The following TMEM51 variants were observed in gnomAD, a reference collection of about 807,000 sequenced individuals.
TMEM51 encodes the protein chromosome 1 open reading frame 72.
A neutral mutation model predicts 13.6 loss-of-function variants in TMEM51; 8 were observed. That is an observed-to-expected ratio of 0.59 (90% CI 0.35 to 1.07). TMEM51 has a LOEUF of 1.07. Among genes scored for constraint, TMEM51 ranks in the 50% least tolerant of loss-of-function variants. The pLI, the probability that TMEM51 is intolerant of heterozygous loss-of-function variation, is 0.02. For missense variants in TMEM51, 279 were observed against 330.7 expected (o/e 0.84, Z 1.21); for synonymous variants, 147 against 144.4 (o/e 1.02, Z -0.13).
intron 1 of TMEM51, among the ~76,000 whole-genome samples, chr1:15,163,827 T>TGGG (rs201334078): frequency 2.3e-4 from 12 of 52,194 alleles, no homozygotes; most frequent in African/African-American, 7.0e-4. Context: ...TGGCTTTTTT[T>TGGG]GGGGGGGGGG....
chr1:15,171,106 C>T (rs112780313), intron 1 of TMEM51: 3 of 854,990 alleles, frequency 3.5e-6, no homozygotes. Flanking sequence ...TCCTCCTCCA[C>T]CCCCCGCCAC....
chr1:15,193,662 C>G (rs1377072312), intron 1 of TMEM51, among the ~76,000 whole-genome samples: 1 of 147,884 alleles, frequency 6.8e-6, no homozygotes, highest in African/African-American at 2.5e-5. Context: ...ACTGCAACCT[C>G]CATCTCCTGG....
intron 1 of TMEM51, chr1:15,192,031 C>T: frequency 1.9e-6 from 1 of 529,986 alleles, no homozygotes. Context: ...ATTTGAAATG[C>T]CATACGTGAT....
rs1644226269 is a variant in TMEM51, at chr1:15,205,101, TA to T, written c.-266-5387del. On this transcript the variant is annotated intron_variant, in intron 1 of 3. Transcript: ENST00000376008. ...GGGTCCCCCGTGCCAGCCTTCTAAATAAGGCTGGACACCAGCCACCTGCTTA... is the reference window on the plus strand; with the variant it reads ...GGGTCCCCCGTGCCAGCCTTCTAAATAGGCTGGACACCAGCCACCTGCTTA... Among the ~76,000 whole-genome samples, 3 of 152,128 alleles carry T rather than the reference TA, an allele frequency of 2.0e-5. No individual in the cohort carries two copies. In the South Asian group the frequency reaches 6.2e-4, roughly 32 times the overall value.
intron 1 of TMEM51, among the ~76,000 whole-genome samples, chr1:15,195,099 G>T (rs1004800115): frequency 1.3e-5 from 2 of 151,246 alleles, no homozygotes; most frequent in African/African-American, 4.9e-5. Context: ...TAGTTTTTTT[G>T]TGTGTGTATT....
At position 15,204,445 on chromosome 1, in the gene TMEM51, T is replaced by C. The variant is rs1388077306; in HGVS notation, c.-266-6045T>C. Among the ~76,000 whole-genome samples, 4 of 152,276 alleles carry C rather than the reference T, an allele frequency of 2.6e-5. No individual in the cohort carries two copies. In the East Asian group the frequency reaches 5.8e-4, roughly 22 times the overall value. On this transcript the variant is annotated intron_variant, in intron 1 of 3. Coordinates refer to ENST00000376008, the MANE Select transcript of TMEM51 (RefSeq NM_001136218.2). ...GGCGCACGCCTGTAATCCCAGCTAG[T>C]TGGGAGGCTGAGTCAAGGAGAATCA...
intron 1 of TMEM51, among the ~76,000 whole-genome samples, chr1:15,178,473 A>G (rs1643516121): frequency 6.6e-6 from 1 of 152,192 alleles, no homozygotes; most frequent in Non-Finnish European, 1.5e-5. Context: ...TAAGTCCTTC[A>G]TCTGGCCCAA....
rs575740462 is a variant in TMEM51 at position 15,159,138 on chromosome 1, T to C, written c.-267+5184T>C. Among the ~76,000 whole-genome samples the C allele has an allele frequency of 2.6e-5, 4 of 152,352 alleles. No homozygotes were observed. The South Asian group carries it at 8.3e-4, about 32-fold the overall frequency. On this transcript the variant is annotated intron_variant, in intron 1 of 3. Coordinates refer to ENST00000376008, the MANE Select transcript of TMEM51 (RefSeq NM_001136218.2). ...GCCGACAGGAAGGAAGCTCGGCTTA[T>C]GCTAAGGATACAAAACATCCACTTT...
At chr1:15,195,442 A>G (rs1162885670) in intron 1 of TMEM51, among the ~76,000 whole-genome samples, 2 of 152,152 alleles carry the variant, frequency 1.3e-5, no homozygotes, top group Non-Finnish European at 2.9e-5. Context: ...TGAATAGCAC[A>G]TCCCAATGCA....
chr1:15,211,663 G>T (rs1053177019), intron 2 of TMEM51, among the ~76,000 whole-genome samples: 1 of 152,120 alleles, frequency 6.6e-6, no homozygotes, highest in African/African-American at 2.4e-5. Context: ...AGCCCAGGAA[G>T]CCTGGGTCCC....
At chr1:15,211,791 G>A (rs929161636) in intron 2 of TMEM51, among the ~76,000 whole-genome samples, 3 of 117,182 alleles carry the variant, frequency 2.6e-5, no homozygotes, top group South Asian at 3.0e-4. Context: ...TTCGTCCCCA[G>A]AAGCAATCAT....
At chr1:15,184,918 C>G (rs891104041) in intron 1 of TMEM51, among the ~76,000 whole-genome samples, 17 of 151,938 alleles carry the variant, frequency 1.1e-4, no homozygotes, top group African/African-American at 4.1e-4. Context: ...TGCTGTTATA[C>G]AACCGACATT....
upstream of TMEM51, among the ~76,000 whole-genome samples, chr1:15,153,564 T>C (rs1002760854): frequency 3.7e-4 from 56 of 151,972 alleles, no homozygotes; most frequent in Non-Finnish European, 5.3e-4. Flanking sequence ...TCCAGCGGCA[T>C]ACGCTGGGGA....
chr1:15,197,511 T>A (rs1300917128), intron 1 of TMEM51, among the ~76,000 whole-genome samples: 1 of 152,146 alleles, frequency 6.6e-6, no homozygotes, highest in Non-Finnish European at 1.5e-5. Flanking sequence ...TCTGCATCTT[T>A]ACCCAGGCCA....
chr1:15,156,590 G>A (rs1378411253), intron 1 of TMEM51, among the ~76,000 whole-genome samples: 1 of 152,228 alleles, frequency 6.6e-6, no homozygotes, highest in African/African-American at 2.4e-5. Context: ...CTGAAGCTGG[G>A]AGGAATCCTC....
intron 1 of TMEM51, among the ~76,000 whole-genome samples, chr1:15,195,065 C>T (rs1307080633): frequency 6.6e-6 from 1 of 151,802 alleles, no homozygotes; most frequent in Non-Finnish European, 1.5e-5. Flanking sequence ...GCTGGGACTA[C>T]AGGCACTCAC....
intron 1 of TMEM51, among the ~76,000 whole-genome samples, chr1:15,173,563 T>G (rs371990706): frequency 1.3e-3 from 199 of 152,208 alleles, no homozygotes; most frequent in African/African-American, 4.4e-3. Flanking sequence ...CCTGCCATCA[T>G]GAAAACTAGA....
At chr1:15,203,561 T>C (rs190360064) in intron 1 of TMEM51, among the ~76,000 whole-genome samples, 7 of 152,238 alleles carry the variant, frequency 4.6e-5, no homozygotes, top group Admixed American at 4.6e-4. Flanking sequence ...ACACCTGGCC[T>C]GTTTTTAAAA....
At chr1:15,200,644 A>G (rs1644138296) in intron 1 of TMEM51, among the ~76,000 whole-genome samples, 1 of 152,146 alleles carries the variant, frequency 6.6e-6, no homozygotes, top group African/African-American at 2.4e-5. Flanking sequence ...TGGTTATATC[A>G]GCCCCAGCAA....
Sources: allele counts gnomAD v4.1 joint callset (sites outside exome capture counted in the v4.1 genomes callset), GRCh38; gene constraint gnomAD v4.1.1; transcripts MANE v1.5; gene names NCBI Gene and HGNC (gene_info 2026-07-23, HGNC 2026-07-21).